KAT6B: variants seen among roughly 807,000 people sequenced by gnomAD.
KAT6B encodes the protein lysine acetyltransferase 6B, also known as histone acetyltransferase KAT6B.
A neutral mutation model predicts 187.5 loss-of-function variants in KAT6B; 10 were observed. That is an observed-to-expected ratio of 0.05 (90% CI 0.03 to 0.09). The LOEUF is 0.09. Ranked by LOEUF, KAT6B falls within the 10% of genes least tolerant of loss-of-function variation. The probability of loss-of-function intolerance (pLI) is 1.00; values close to 1 mark genes in which losing one functional copy is unlikely to be tolerated. For synonymous variants in KAT6B, 861 were observed against 926.8 expected (o/e 0.93, Z 1.29); for missense variants, 1,952 against 2,558.9 (o/e 0.76, Z 5.12).
At chr10:74,829,200 C>G (rs1400918717) in intron 1 of KAT6B, among the ~76,000 whole-genome samples, 1 of 152,054 alleles carries the variant, frequency 6.6e-6, no homozygotes, top group East Asian at 1.9e-4. Flanking sequence ...TCACACACTG[C>G]TTTTGAAGAT....
At chr10:74,934,736 T>C (rs2133213852) in intron 3 of KAT6B, among the ~76,000 whole-genome samples, 1 of 152,306 alleles carries the variant, frequency 6.6e-6, no homozygotes, top group South Asian at 2.1e-4. Context: ...TTTCCTTCTG[T>C]TCCAAGTAAC....
intron 13 of KAT6B, among the ~76,000 whole-genome samples, chr10:74,998,656 T>C (rs180987969): frequency 6.6e-6 from 1 of 152,356 alleles, no homozygotes; most frequent in East Asian, 1.9e-4. Context: ...CCAGGTGCAG[T>C]GGCTCATGCC....
chr10:74,931,720 G>A (rs1183927177), intron 3 of KAT6B, among the ~76,000 whole-genome samples: 1 of 152,180 alleles, frequency 6.6e-6, no homozygotes, highest in East Asian at 1.9e-4. Flanking sequence ...ATTGAAGAAA[G>A]CAAGAAATGT....
In KAT6B at chr10:74,977,433, G is replaced by C; in HGVS notation, c.2111G>C (p.Trp704Ser). Residue 704 changes from tryptophan to serine, a missense_variant, in exon 9 of 18, where the codon TGG (tryptophan) becomes TCG (serine). By Grantham distance (177) the Trp-to-Ser change is radical. Transcript: ENST00000287239. ...TTTAAGCAGGCCCAGGAACTTTCTT[G>C]GGAGGTAAGGCGAGGATCCCACATT... is the stretch of plus-strand genomic sequence containing the variant. ...DVFKQAQELS[W>S]EKIECESGVE... The C allele has an allele frequency of 1.2e-6, 2 of 1,613,718 alleles. No homozygotes were observed. Among genetic ancestry groups the C allele is most frequent in the South Asian group, 2.2e-5 (2 of 91,048 alleles).
At chr10:74,937,327 T>A (rs1333660891) in intron 3 of KAT6B, among the ~76,000 whole-genome samples, 1 of 152,178 alleles carries the variant, frequency 6.6e-6, no homozygotes, top group African/African-American at 2.4e-5. Flanking sequence ...AGTTAACAAA[T>A]AAAGCCAAGA....
At chr10:74,995,466 A>G (rs1843365997) in intron 13 of KAT6B, among the ~76,000 whole-genome samples, 1 of 151,962 alleles carries the variant, frequency 6.6e-6, no homozygotes, top group African/African-American at 2.4e-5. Context: ...ACCCATTCCC[A>G]TTCCCTCATC....
intron 13 of KAT6B, among the ~76,000 whole-genome samples, chr10:74,998,254 A>C (rs1255467787): frequency 6.6e-6 from 1 of 152,070 alleles, no homozygotes; most frequent in Non-Finnish European, 1.5e-5. Context: ...CCCAGCCTCC[A>C]ATGGTTATTT....
intron 7 of KAT6B, among the ~76,000 whole-genome samples, chr10:74,974,578 C>T (rs1422017716): frequency 6.6e-6 from 1 of 152,144 alleles, no homozygotes; most frequent in African/African-American, 2.4e-5. Context: ...GCTGTGTTAG[C>T]GAGTGACCTC....
At chr10:74,869,026 G>T (rs182671378) in intron 3 of KAT6B, among the ~76,000 whole-genome samples, 1 of 152,234 alleles carries the variant, frequency 6.6e-6, no homozygotes, top group East Asian at 1.9e-4. Flanking sequence ...AACTGAAAAT[G>T]CTCAAGTTCT....
intron 3 of KAT6B, among the ~76,000 whole-genome samples, chr10:74,896,453 C>T (rs1380793119): frequency 6.6e-6 from 1 of 152,058 alleles, no homozygotes; most frequent in African/African-American, 2.4e-5. Context: ...CCACGCCCAG[C>T]TAATTTTTGT....
chr10:74,911,152 T>A (rs1847173949), intron 3 of KAT6B, among the ~76,000 whole-genome samples: 1 of 152,220 alleles, frequency 6.6e-6, no homozygotes, highest in African/African-American at 2.4e-5. Flanking sequence ...GGATTTGTGC[T>A]CCTAGATGAC....
At chr10:74,829,019 A>G (rs561580696) in intron 1 of KAT6B, among the ~76,000 whole-genome samples, 10 of 151,992 alleles carry the variant, frequency 6.6e-5, no homozygotes, top group East Asian at 5.8e-4. Context: ...AAAAAAAAAA[A>G]AAAAGAAAAG....
At chr10:74,860,089 G>A (rs1360319349) in intron 3 of KAT6B, among the ~76,000 whole-genome samples, 2 of 151,798 alleles carry the variant, frequency 1.3e-5, no homozygotes, top group African/African-American at 2.4e-5. Flanking sequence ...AAGTTCTAGG[G>A]AACATGTGCA....
At chr10:74,862,733 C>T (rs748729696) in intron 3 of KAT6B, among the ~76,000 whole-genome samples, 3 of 152,142 alleles carry the variant, frequency 2.0e-5, no homozygotes, top group Non-Finnish European at 4.4e-5. Context: ...CCCAAGTTTT[C>T]CTCAGCTGAC....
At chr10:74,940,121 A>T (rs949915570) in intron 3 of KAT6B, among the ~76,000 whole-genome samples, 1 of 152,200 alleles carries the variant, frequency 6.6e-6, no homozygotes, top group Non-Finnish European at 1.5e-5. Context: ...AGACCTTCAA[A>T]TGTGAGGGAC....
At chr10:74,960,803 G>C (rs962333579) in intron 4 of KAT6B, among the ~76,000 whole-genome samples, 1 of 152,176 alleles carries the variant, frequency 6.6e-6, no homozygotes, top group Non-Finnish European at 1.5e-5. Context: ...CTGGCACAAG[G>C]TCTGCAGAAC....
chr10:74,825,341 G>C (rs377679657), upstream of KAT6B, among the ~76,000 whole-genome samples: 23 of 151,062 alleles, frequency 1.5e-4, no homozygotes, highest in South Asian at 4.8e-3. The surrounding 1 kb of genome is among the most constrained non-coding windows in gnomAD (Gnocchi z 5.0). Context: ...GGCGAGAGGA[G>C]CCCCCCGGGG....
At chr10:75,026,865 G>A (rs1210941475) in intron 17 of KAT6B, among the ~76,000 whole-genome samples, 5 of 152,160 alleles carry the variant, frequency 3.3e-5, no homozygotes, top group East Asian at 3.9e-4. Flanking sequence ...GCCAGGCATG[G>A]TGGCTCATGC....
intron 3 of KAT6B, among the ~76,000 whole-genome samples, chr10:74,935,578 C>T (rs1849210255): frequency 6.6e-6 from 1 of 152,184 alleles, no homozygotes; most frequent in Non-Finnish European, 1.5e-5. Context: ...GCTGGGATTA[C>T]AGGCATGAGC....
Sources: gnomAD v4.1 joint callset for allele counts (sites outside exome capture counted in the v4.1 genomes callset) on GRCh38, gnomAD v4.1.1 for gene constraint, Gnocchi (gnomAD v3.1) non-coding constraint, MANE v1.5 for transcripts, NCBI Gene and HGNC (gene_info 2026-07-23, HGNC 2026-07-21) for gene names.